The following ATRNL1 variants were observed in gnomAD, a reference collection of about 807,000 sequenced individuals.
ATRNL1 encodes attractin-like protein 1.
In ATRNL1, 95 loss-of-function variants were observed where a neutral mutation model predicts 182.7. That is an observed-to-expected ratio of 0.52 (90% confidence interval 0.44 to 0.62). ATRNL1 has a LOEUF of 0.62. Ranked by LOEUF, ATRNL1 falls within the 20% of genes least tolerant of loss-of-function variation. The pLI, the probability that ATRNL1 is intolerant of heterozygous loss-of-function variation, is 0.00. For synonymous variants in ATRNL1, 576 were observed against 568.3 expected (o/e 1.01, Z -0.19); for missense variants, 1,471 against 1,679.5 (o/e 0.88, Z 2.17).
At chr10:115,828,329 AAAG>A (rs1950485601) in intron 27 of ATRNL1, among the ~76,000 whole-genome samples, 1 of 149,722 alleles carries the variant, frequency 6.7e-6, no homozygotes, top group Admixed American at 6.6e-5. Flanking sequence ...AAAAAAAAGA[AAAG>A]AAAAGAAAAG....
At chr10:115,183,681 G>A (rs1847831311) in intron 8 of ATRNL1, among the ~76,000 whole-genome samples, 1 of 151,490 alleles carries the variant, frequency 6.6e-6, no homozygotes, top group East Asian at 1.9e-4. Flanking sequence ...TAGAAAAAGT[G>A]GAGAAAGCAC....
chr10:115,588,110 G>C (rs1279923352), intron 26 of ATRNL1, among the ~76,000 whole-genome samples: 1 of 152,074 alleles, frequency 6.6e-6, no homozygotes, highest in African/African-American at 2.4e-5. Flanking sequence ...CCTAAAACAT[G>C]AAGAGACAGT....
chr10:115,349,911 T>C (rs1172169475), intron 19 of ATRNL1, among the ~76,000 whole-genome samples: 1 of 152,210 alleles, frequency 6.6e-6, no homozygotes, highest in East Asian at 1.9e-4. Context: ...AGGTTTTCTC[T>C]TTACTTTGTT....
At chr10:115,467,148 A>C (rs782195437) in intron 22 of ATRNL1, 26 bp from the exon 23 acceptor site, 1 of 1,529,720 alleles carries the variant, frequency 6.5e-7, no homozygotes, top group Non-Finnish European at 9.0e-7. Flanking sequence ...TTCGTTTTTT[A>C]ACCTTAATAT....
chr10:115,355,718 A>G (rs1014260037), intron 19 of ATRNL1, among the ~76,000 whole-genome samples: 3 of 151,984 alleles, frequency 2.0e-5, no homozygotes, highest in African/African-American at 7.2e-5. Flanking sequence ...GTTTATTGCA[A>G]GGTGCTTAAT....
chr10:115,118,126 C>T (rs1299725332), intron 1 of ATRNL1, among the ~76,000 whole-genome samples: 2 of 151,882 alleles, frequency 1.3e-5, no homozygotes, highest in Non-Finnish European at 2.9e-5. Context: ...ATGGATAGTT[C>T]GTAAATATTT....
chr10:115,604,069 G>T (rs1190074836), intron 26 of ATRNL1, among the ~76,000 whole-genome samples: 1 of 151,812 alleles, frequency 6.6e-6, no homozygotes, highest in Admixed American at 6.6e-5. Context: ...TGGGTCTATT[G>T]TTTTTTACTG....
chr10:115,229,178 T>A (rs1554899400), intron 9 of ATRNL1, among the ~76,000 whole-genome samples: 1 of 152,158 alleles, frequency 6.6e-6, no homozygotes, highest in Admixed American at 6.5e-5. Flanking sequence ...TAATCACATA[T>A]ACTTAAAAAA....
At chr10:115,445,397 C>T (rs1846911390) in intron 21 of ATRNL1, among the ~76,000 whole-genome samples, 1 of 130,698 alleles carries the variant, frequency 7.7e-6, no homozygotes, top group Admixed American at 8.7e-5. Flanking sequence ...TGCCACTGCA[C>T]TCCAGCCTGG....
chr10:115,284,714 C>G (rs895525981), intron 14 of ATRNL1, among the ~76,000 whole-genome samples: 1 of 152,106 alleles, frequency 6.6e-6, no homozygotes, highest in African/African-American at 2.4e-5. Context: ...AGTTTTATAA[C>G]GGCTATCTGT....
intron 25 of ATRNL1, among the ~76,000 whole-genome samples, chr10:115,525,617 A>G (rs1851171535): frequency 6.6e-6 from 1 of 152,124 alleles, no homozygotes. Context: ...CCATTCCAGC[A>G]TATCCCCTTC....
chr10:115,300,021 C>G lies in ATRNL1; in HGVS notation c.2416-13C>G, dbSNP rs781920094. 6.3e-7 allele frequency: 1 copy of G among 1,586,812 alleles called. No individual in the cohort carries two copies. The highest frequency in any genetic ancestry group is 8.6e-7 in the Non-Finnish European group (1 of 1,159,374). ...TAACTTTCTTTGAATGCCCCTTTTC[C>G]TGTTGTTTACAGAAAGTATCACCTT... On this transcript the variant is annotated splice_polypyrimidine_tract_variant and intron_variant, in intron 15 of 28. Coordinates refer to ENST00000355044, the MANE Select transcript of ATRNL1 (RefSeq NM_207303.4).
At chr10:115,881,324 C>G (rs1951822718) in intron 28 of ATRNL1, among the ~76,000 whole-genome samples, 1 of 152,148 alleles carries the variant, frequency 6.6e-6, no homozygotes, top group Non-Finnish European at 1.5e-5. Flanking sequence ...CAGCCGGTGC[C>G]CAGCCCTTAG....
chr10:115,724,590 G>A (rs1265980255), intron 26 of ATRNL1, among the ~76,000 whole-genome samples: 1 of 152,094 alleles, frequency 6.6e-6, no homozygotes, highest in Non-Finnish European at 1.5e-5. Context: ...TGAGTGAAAG[G>A]TCTCAGTAAT....
At chr10:115,388,858 G>C (rs782285551) in intron 19 of ATRNL1, among the ~76,000 whole-genome samples, 15 of 152,032 alleles carry the variant, frequency 9.9e-5, no homozygotes, top group Middle Eastern at 3.4e-3. Context: ...TTATATGTTT[G>C]TGGGGTAAAA....
chr10:115,095,608 C>CT (rs1306716490), intron 1 of ATRNL1, among the ~76,000 whole-genome samples: 2 of 151,776 alleles, frequency 1.3e-5, no homozygotes, highest in Admixed American at 1.3e-4. Context: ...TTTAAAAATA[C>CT]TTTTTAAAAA....
intron 26 of ATRNL1, among the ~76,000 whole-genome samples, chr10:115,610,561 G>T (rs1274781793): frequency 1.3e-5 from 2 of 152,130 alleles, no homozygotes; most frequent in Non-Finnish European, 2.9e-5. Flanking sequence ...CTTTAATAGA[G>T]ACAGAATAGC....
chr10:115,248,649 G>A (rs1262838342), intron 10 of ATRNL1, among the ~76,000 whole-genome samples: 3 of 152,082 alleles, frequency 2.0e-5, no homozygotes, highest in Non-Finnish European at 4.4e-5. Flanking sequence ...ATGAATGCCA[G>A]GGGACAATTC....
chr10:115,581,736 C>G (rs1177865164), intron 26 of ATRNL1, among the ~76,000 whole-genome samples: 1 of 129,376 alleles, frequency 7.7e-6, no homozygotes, highest in African/African-American at 2.6e-5. Flanking sequence ...AAGAAACCAT[C>G]GACACTAAAC....
Sources: allele counts gnomAD v4.1 joint callset (sites outside exome capture counted in the v4.1 genomes callset), GRCh38; gene constraint gnomAD v4.1.1; transcripts MANE v1.5; gene names NCBI Gene and HGNC (gene_info 2026-07-23, HGNC 2026-07-21).